THSD7B: variants seen among roughly 807,000 people sequenced by gnomAD.
The protein encoded by THSD7B is thrombospondin type-1 domain-containing protein 7B.
In THSD7B, 138 loss-of-function variants were observed where a neutral mutation model predicts 213.6. That is an observed-to-expected ratio of 0.65 (90% CI 0.56 to 0.74). THSD7B has a LOEUF of 0.74. THSD7B is among the 30% of genes least tolerant of loss of function. The pLI is 0.00. For synonymous variants in THSD7B, 742 were observed against 687.0 expected (o/e 1.08, Z -1.25); for missense variants, 1,931 against 1,991.5 (o/e 0.97, Z 0.58).
intron 14 of THSD7B, among the ~76,000 whole-genome samples, chr2:137,445,867 C>A (rs1283675647): frequency 1.3e-5 from 2 of 151,556 alleles, no homozygotes; most frequent in East Asian, 3.9e-4. Flanking sequence ...ATCACATGTA[C>A]CCCATAAATA....
At chr2:136,781,113 T>C (rs1681734214) in intron 1 of THSD7B, among the ~76,000 whole-genome samples, 1 of 152,188 alleles carries the variant, frequency 6.6e-6, no homozygotes, top group Non-Finnish European at 1.5e-5. Context: ...AATTTTAATA[T>C]GTAGATGTTT....
intron 1 of THSD7B, among the ~76,000 whole-genome samples, chr2:136,788,248 C>A (rs909105120): frequency 7.9e-5 from 12 of 152,168 alleles, no homozygotes; most frequent in Non-Finnish European, 1.8e-4. Context: ...GTTATGCATA[C>A]ACTACAAATC....
At chr2:137,245,199 G>A (rs1267898694) in intron 10 of THSD7B, among the ~76,000 whole-genome samples, 1 of 152,102 alleles carries the variant, frequency 6.6e-6, no homozygotes, top group Non-Finnish European at 1.5e-5. Flanking sequence ...TGTAGATTGG[G>A]GCATAAGAGC....
At chr2:137,154,418 C>T (rs1213591967) in intron 5 of THSD7B, among the ~76,000 whole-genome samples, 1 of 152,048 alleles carries the variant, frequency 6.6e-6, no homozygotes, top group Non-Finnish European at 1.5e-5. Flanking sequence ...CAAGAAAGCG[C>T]CAATGACTCT....
At chr2:137,227,413 T>A (rs980359165) in intron 7 of THSD7B, among the ~76,000 whole-genome samples, 9 of 152,204 alleles carry the variant, frequency 5.9e-5, no homozygotes, top group African/African-American at 2.2e-4. Context: ...ATTTCCCTCT[T>A]AAATATATTC....
intron 5 of THSD7B, among the ~76,000 whole-genome samples, chr2:137,126,539 C>A (rs1394299312): frequency 6.7e-6 from 1 of 148,882 alleles, no homozygotes; most frequent in African/African-American, 2.5e-5. Flanking sequence ...TAGGCTTTTG[C>A]TTAAGGAAAT....
At chr2:137,157,349 C>T (rs1679928755) in intron 5 of THSD7B, among the ~76,000 whole-genome samples, 1 of 152,164 alleles carries the variant, frequency 6.6e-6, no homozygotes. Flanking sequence ...TGAGAAGTGG[C>T]CCATCTTGGG....
At chr2:136,990,344 T>C (rs1466992315) in intron 2 of THSD7B, among the ~76,000 whole-genome samples, 2 of 152,210 alleles carry the variant, frequency 1.3e-5, no homozygotes, top group East Asian at 3.8e-4. Context: ...CCTGAGCTGA[T>C]AGAACAAGCT....
chr2:137,567,190 A>C (rs2105228825), intron 16 of THSD7B, among the ~76,000 whole-genome samples: 1 of 129,430 alleles, frequency 7.7e-6, no homozygotes, highest in East Asian at 2.1e-4. Flanking sequence ...ATTTTTTGAG[A>C]CTGAGTCTTG....
intron 3 of THSD7B, among the ~76,000 whole-genome samples, chr2:137,072,930 A>G (rs146146241): frequency 0.087 from 13,321 of 152,282 alleles, 721 homozygotes; most frequent in East Asian, 0.17. Context: ...ATGTTGAACC[A>G]GCCTTGCATC....
intron 2 of THSD7B, among the ~76,000 whole-genome samples, chr2:136,984,712 G>A (rs1188190334): frequency 6.6e-6 from 1 of 152,230 alleles, no homozygotes; most frequent in Non-Finnish European, 1.5e-5. Context: ...TTGGAACTGG[G>A]TAATGGGCAG....
chr2:137,080,168 A>ATGTG (rs36115074), intron 3 of THSD7B, among the ~76,000 whole-genome samples: 1,888 of 148,306 alleles, frequency 0.013, 25 homozygotes, highest in Middle Eastern at 0.025. Context: ...ATGTAAATAT[A>ATGTG]TGTGTGTGTG....
intron 5 of THSD7B, among the ~76,000 whole-genome samples, chr2:137,117,480 T>C (rs140486367): frequency 2.4e-4 from 37 of 152,294 alleles, no homozygotes; most frequent in African/African-American, 8.9e-4. Context: ...ATATTATTGT[T>C]GTTATGTTAG....
intron 12 of THSD7B, among the ~76,000 whole-genome samples, chr2:137,308,107 T>C (rs928994087): frequency 1.3e-4 from 20 of 152,052 alleles, no homozygotes; most frequent in Admixed American, 3.3e-4. Context: ...GATTATTTCC[T>C]CCAGGTGTTA....
At chr2:137,676,449 C>T in intron 27 of THSD7B, 75 bp from the exon 28 acceptor site, 1 of 1,334,564 alleles carries the variant, frequency 7.5e-7, no homozygotes, top group Non-Finnish European at 1.0e-6. Flanking sequence ...ATTTCTGTAT[C>T]TCAAAATTGT....
At chr2:137,623,861 A>C (rs914169134) in intron 20 of THSD7B, among the ~76,000 whole-genome samples, 5 of 152,162 alleles carry the variant, frequency 3.3e-5, no homozygotes, top group East Asian at 3.9e-4. Context: ...ATTCCATGCT[A>C]ATGTGTAGGA....
intron 3 of THSD7B, among the ~76,000 whole-genome samples, chr2:137,071,352 CT>C: frequency 6.6e-6 from 1 of 152,280 alleles, no homozygotes; most frequent in Admixed American, 6.5e-5. Flanking sequence ...GCATAAATGT[CT>C]TCTTTTGAGA....
chr2:137,614,552 T>C (rs1022709113), intron 17 of THSD7B, among the ~76,000 whole-genome samples: 4 of 152,284 alleles, frequency 2.6e-5, no homozygotes, highest in African/African-American at 9.6e-5. Context: ...TGACAAATCA[T>C]TTGTTATTAT....
At chr2:136,813,697 TG>T (rs772288997) in intron 1 of THSD7B, among the ~76,000 whole-genome samples, 1 of 152,236 alleles carries the variant, frequency 6.6e-6, no homozygotes, top group East Asian at 1.9e-4. Context: ...AGTGATTTTT[TG>T]TTGCTTCCAG....
Sources: gnomAD v4.1 joint callset for allele counts (sites outside exome capture counted in the v4.1 genomes callset) on GRCh38, gnomAD v4.1.1 for gene constraint, MANE v1.5 for transcripts, NCBI Gene and HGNC (gene_info 2026-07-23, HGNC 2026-07-21) for gene names.